The following NR3C2 variants were observed in gnomAD, a reference collection of about 807,000 sequenced individuals.
The protein encoded by NR3C2 is nuclear receptor subfamily 3 group C member 2.
Under a neutral mutation model 86.4 loss-of-function variants are expected in NR3C2, and 15 were observed. That is an observed-to-expected ratio of 0.17 (90% CI 0.12 to 0.27). The LOEUF (loss-of-function observed/expected upper bound fraction) is 0.27, where lower values mean the gene tolerates loss of function less well. NR3C2 is among the 10% of genes least tolerant of loss of function. The pLI, the probability that NR3C2 is intolerant of heterozygous loss-of-function variation, is 1.00. For missense variants in NR3C2, 960 were observed against 1,195.6 expected (o/e 0.80, Z 2.91); for synonymous variants, 458 against 450.5 (o/e 1.02, Z -0.21).
Position 148,206,065 on chromosome 4 carries a change from G to C in NR3C2, c.1898-11203C>G, listed in dbSNP as rs1327058998. 8.5e-5 allele frequency among the ~76,000 whole-genome samples: 13 copies of C among 152,212 alleles called. No homozygotes were observed. The East Asian group carries it at 2.5e-3, about 29-fold the overall frequency. On this transcript the variant is annotated intron_variant, in intron 3 of 8. Transcript: ENST00000358102. ...CAGTCCAGGTCTAATTTGTGTTTTGGGAGTTCACTCTAGTAGTTCAGTGGA... is the reference window on the plus strand; with the variant it reads ...CAGTCCAGGTCTAATTTGTGTTTTGCGAGTTCACTCTAGTAGTTCAGTGGA...
chr4:148,259,961 C>A lies in NR3C2; in HGVS notation c.1897+17G>T. On this transcript the variant is annotated intron_variant, in intron 3 of 8. Coordinates refer to ENST00000358102, the MANE Select transcript of NR3C2 (RefSeq NM_000901.5). ...TAGGAAAAAATATGTAAAAGGAACA[C>A]CCACATGAACATTTACCTTCCACTG... The A allele has an allele frequency of 6.2e-7, 1 of 1,613,996 alleles. No individual in the cohort carries two copies. The highest frequency in any genetic ancestry group is 8.5e-7 in the Non-Finnish European group (1 of 1,179,936).
intron 2 of NR3C2, among the ~76,000 whole-genome samples, chr4:148,339,080 G>C (rs2149978724): frequency 6.6e-6 from 1 of 152,316 alleles, no homozygotes; most frequent in African/African-American, 2.4e-5. Flanking sequence ...AAGTATGGAA[G>C]TTGATTTAGA....
At chr4:148,217,292 A>T (rs915938487) in intron 3 of NR3C2, among the ~76,000 whole-genome samples, 2 of 152,218 alleles carry the variant, frequency 1.3e-5, no homozygotes, top group Non-Finnish European at 2.9e-5. Flanking sequence ...CCACACAGGA[A>T]GGCAATCTGT....
At chr4:148,385,843 C>A (rs1297734172) in intron 2 of NR3C2, among the ~76,000 whole-genome samples, 1 of 152,162 alleles carries the variant, frequency 6.6e-6, no homozygotes, top group African/African-American at 2.4e-5. Flanking sequence ...AGGCAAGACC[C>A]CCACATTCCT....
At chr4:148,307,951 G>A (rs1214481971) in intron 2 of NR3C2, among the ~76,000 whole-genome samples, 1 of 152,064 alleles carries the variant, frequency 6.6e-6, no homozygotes, top group Non-Finnish European at 1.5e-5. Flanking sequence ...ACCCCCAGGT[G>A]CAGGATCAGA....
At chr4:148,204,599 G>A (rs1027085601) in intron 3 of NR3C2, among the ~76,000 whole-genome samples, 1 of 152,108 alleles carries the variant, frequency 6.6e-6, no homozygotes, top group African/African-American at 2.4e-5. Flanking sequence ...TTTCATTACA[G>A]CACTTACTCT....
chr4:148,240,241 TA>T (rs34718720), intron 3 of NR3C2, among the ~76,000 whole-genome samples: 23,167 of 147,514 alleles, frequency 0.16, 2,099 homozygotes, highest in Admixed American at 0.24. Context: ...ATTTATAAAT[TA>T]TATATATATT....
intron 2 of NR3C2, among the ~76,000 whole-genome samples, chr4:148,277,763 C>T (rs1045748187): frequency 2.6e-5 from 4 of 152,138 alleles, no homozygotes; most frequent in African/African-American, 9.7e-5. Context: ...AGGTTGCTCC[C>T]ATGACCCCAC....
intron 3 of NR3C2, among the ~76,000 whole-genome samples, chr4:148,219,584 A>G (rs185257830): frequency 1.9e-4 from 29 of 152,326 alleles, no homozygotes; most frequent in African/African-American, 7.0e-4. Flanking sequence ...AGTGGCTACA[A>G]GAAGTGTTCA....
chr4:148,211,850 T>A (rs1737299452), intron 3 of NR3C2, among the ~76,000 whole-genome samples: 2 of 152,242 alleles, frequency 1.3e-5, no homozygotes, highest in Non-Finnish European at 2.9e-5. Context: ...TTAGTTTTAT[T>A]ATTCGTAATA....
intron 3 of NR3C2, among the ~76,000 whole-genome samples, chr4:148,204,379 G>A (rs923936940): frequency 3.3e-5 from 5 of 152,072 alleles, no homozygotes; most frequent in East Asian, 1.9e-4. Flanking sequence ...AAACTAATAC[G>A]TTATTCAGGG....
chr4:148,159,381 T>A (rs1343785908), intron 4 of NR3C2, among the ~76,000 whole-genome samples: 3 of 152,224 alleles, frequency 2.0e-5, no homozygotes, highest in Non-Finnish European at 4.4e-5. Context: ...TACTGTGTAA[T>A]GACCCACTTG....
intron 4 of NR3C2, among the ~76,000 whole-genome samples, chr4:148,190,909 G>A (rs1736165159): frequency 6.6e-6 from 1 of 152,204 alleles, no homozygotes; most frequent in Non-Finnish European, 1.5e-5. Flanking sequence ...TAGTTGGTTG[G>A]TGAGTTCTTA....
chr4:148,150,892 T>G (rs940555395), intron 6 of NR3C2, among the ~76,000 whole-genome samples: 2 of 152,212 alleles, frequency 1.3e-5, no homozygotes, highest in Non-Finnish European at 2.9e-5. Context: ...AACATTAGGC[T>G]AAGCAAAATG....
At chr4:148,196,744 C>T (rs1328596001) in intron 3 of NR3C2, among the ~76,000 whole-genome samples, 1 of 152,046 alleles carries the variant, frequency 6.6e-6, no homozygotes, top group African/African-American at 2.4e-5. Flanking sequence ...GGAAATCTAT[C>T]AAAGTGAAGA....
rs138892484 is a variant in NR3C2, at chr4:148,118,628, G to C, written c.2641+1530C>G. On this transcript the variant is annotated intron_variant, in intron 7 of 8. Coordinates refer to ENST00000358102, the MANE Select transcript of NR3C2 (RefSeq NM_000901.5). ...CCCCAGTTCTCCCCATCTTTTGGCT[G>C]TTTCTATCAAGACTCAGAGTTGGTA... 3.2e-3 allele frequency among the ~76,000 whole-genome samples: 490 copies of C among 152,254 alleles called. 3 individuals are homozygous for C. Among genetic ancestry groups the C allele is most frequent in the African/African-American group, 0.011 (464 of 41,558 alleles).
intron 1 of NR3C2, among the ~76,000 whole-genome samples, chr4:148,440,023 T>C (rs923422452): frequency 1.3e-5 from 2 of 152,208 alleles, no homozygotes; most frequent in African/African-American, 4.8e-5. Flanking sequence ...AGGAGTCTCA[T>C]TAAGGAATTT....
chr4:148,343,923 G>A (rs1166816515), intron 2 of NR3C2, among the ~76,000 whole-genome samples: 1 of 152,080 alleles, frequency 6.6e-6, no homozygotes, highest in East Asian at 1.9e-4. Flanking sequence ...AAAATTCTGA[G>A]GCCAGTTGTA....
chr4:148,382,781 A>G (rs1283226663), intron 2 of NR3C2, among the ~76,000 whole-genome samples: 1 of 152,188 alleles, frequency 6.6e-6, no homozygotes, highest in Non-Finnish European at 1.5e-5. Flanking sequence ...GTCAACTAAG[A>G]GATCTGTTTT....
Sources: allele counts gnomAD v4.1 joint callset (sites outside exome capture counted in the v4.1 genomes callset), GRCh38; gene constraint gnomAD v4.1.1; transcripts MANE v1.5; gene names NCBI Gene and HGNC (gene_info 2026-07-23, HGNC 2026-07-21).